The following LEPR variants were observed in gnomAD, a reference collection of about 807,000 sequenced individuals.
LEPR encodes leptin receptor, also known as OB receptor.
A neutral mutation model predicts 114.7 loss-of-function variants in LEPR; 56 were observed. That is an observed-to-expected ratio of 0.49 (90% CI 0.39 to 0.61). The LOEUF is 0.61. Among genes scored for constraint, LEPR ranks in the 20% least tolerant of loss-of-function variants. The pLI is 0.00. For missense variants in LEPR, 1,202 were observed against 1,352.9 expected, an observed-to-expected ratio of 0.89 and a Z score of 1.75; for synonymous variants, 443 against 461.4, an observed-to-expected ratio of 0.96 and a Z score of 0.51.
At position 65,565,464 on chromosome 1, in the gene LEPR, C is replaced by G. The variant is rs952836849; in HGVS notation, c.-20-82C>G. On this transcript the variant is annotated intron_variant, in intron 2 of 19. Coordinates refer to ENST00000349533, the MANE Select transcript of LEPR (RefSeq NM_002303.6). The stretch of plus-strand genomic sequence containing the variant: ...TTAGAGACTTATCTATAATCCCTTT[C>G]CTTTTATGTTTTCCACAGACAACTT... 6.7e-6 allele frequency: 9 copies of G among 1,348,660 alleles called. No homozygotes were observed. In the Admixed American group the frequency reaches 1.7e-4, roughly 25 times the overall value. The allele number at this position is 1,348,660 out of a possible 1,614,324, so 83.5% of individuals were successfully genotyped here.
At chr1:65,456,661 T>A (rs541027851) in intron 2 of LEPR, among the ~76,000 whole-genome samples, 1 of 152,318 alleles carries the variant, frequency 6.6e-6, no homozygotes, top group African/African-American at 2.4e-5. Context: ...GTTAGTATGG[T>A]ATATCTTTAT....
chr1:65,565,833 CCT>C (rs915322111), intron 3 of LEPR, among the ~76,000 whole-genome samples: 100 of 150,110 alleles, frequency 6.7e-4, no homozygotes, highest in Middle Eastern at 3.5e-3. Context: ...CTTCCAGAAT[CCT>C]CTCTCTCTCT....
rs1017296465 is a variant in LEPR at position 65,552,267 on chromosome 1, TTTTC to T, written c.-20-13272_-20-13269del. 7.2e-4 allele frequency among the ~76,000 whole-genome samples: 109 copies of T among 152,272 alleles called. 1 individual carries two copies. Among genetic ancestry groups the T allele is most frequent in the African/African-American group, 2.3e-3 (97 of 41,538 alleles). On this transcript the variant is annotated intron_variant, in intron 2 of 19. Coordinates refer to ENST00000349533, the MANE Select transcript of LEPR (RefSeq NM_002303.6). The stretch of plus-strand genomic sequence containing the variant: ...TTCAAGTCCTGAATATGCTTGTTAA[TTTTC>T]TTTCTTGTTGATCTGTCTAACATTG...
chr1:65,599,301 A>G (rs934684873), intron 8 of LEPR, among the ~76,000 whole-genome samples: 19 of 152,154 alleles, frequency 1.2e-4, no homozygotes, highest in African/African-American at 4.6e-4. Context: ...CATGCAGCTG[A>G]TGCGCAAAGT....
At position 65,577,863 on chromosome 1, in the gene LEPR, G is replaced by C. The variant is rs1171754540; in HGVS notation, c.494+5414G>C. 5.3e-5 allele frequency: 8 copies of C among 150,796 alleles called. No individual in the cohort carries two copies. In the East Asian group the frequency reaches 1.4e-3, roughly 25 times the overall value. The allele number at this position is 150,796 out of a possible 1,614,324, so 9.3% of individuals were successfully genotyped here. ...CTGGGATACACGTGCAGAAAGTGCA[G>C]GTTTGTTACATAGGTATGCGTGTGC... On this transcript the variant is annotated intron_variant, in intron 5 of 19. Transcript: ENST00000349533.
Position 65,472,382 on chromosome 1 carries a change from ATT to A in LEPR, c.-21+47005_-21+47006del, listed in dbSNP as rs1238444904. On this transcript the variant is annotated intron_variant, in intron 2 of 19. Coordinates refer to ENST00000349533, the MANE Select transcript of LEPR (RefSeq NM_002303.6). ...ATTTCTTCCCAATCCAACTAACCTTATTCCTCTGGGTCATTTAGCTGTGGCTA... is the reference window on the plus strand; with the variant it reads ...ATTTCTTCCCAATCCAACTAACCTTACCTCTGGGTCATTTAGCTGTGGCTA... 5.5e-5 allele frequency among the ~76,000 whole-genome samples: 8 copies of A among 145,118 alleles called. No individual in the cohort carries two copies. In the East Asian group the frequency reaches 1.6e-3, roughly 29 times the overall value.
intron 5 of LEPR, among the ~76,000 whole-genome samples, chr1:65,585,112 G>A (rs1253706520): frequency 6.6e-6 from 1 of 151,980 alleles, no homozygotes; most frequent in Non-Finnish European, 1.5e-5. Context: ...TTTTTATGAT[G>A]AGTCTAGTCT....
intron 1 of LEPR, among the ~76,000 whole-genome samples, chr1:65,423,353 A>T (rs573594521): frequency 3.9e-5 from 6 of 152,174 alleles, no homozygotes; most frequent in Non-Finnish European, 8.8e-5. Context: ...GATTCAGAGG[A>T]TGTGATTCCT....
At chr1:65,548,716 T>C (rs1338914015) in intron 2 of LEPR, among the ~76,000 whole-genome samples, 2 of 152,148 alleles carry the variant, frequency 1.3e-5, no homozygotes, top group African/African-American at 4.8e-5. Flanking sequence ...GCATGTGAGA[T>C]GGGTTTCCTG....
intron 2 of LEPR, chr1:65,526,077 G>T (rs773082290): frequency 4.1e-6 from 4 of 977,904 alleles, no homozygotes; most frequent in Non-Finnish European, 4.9e-6. Context: ...GACAGCAGCC[G>T]GCAGCGCCTG....
chr1:65,421,489 G>C (rs1194675755), intron 1 of LEPR: 13 of 1,535,760 alleles, frequency 8.5e-6, no homozygotes, highest in Non-Finnish European at 1.1e-5. Context: ...CTAATCTGTC[G>C]AATAGAGTAG....
chr1:65,622,433 T>G (rs1015959243), intron 18 of LEPR, among the ~76,000 whole-genome samples: 2 of 146,148 alleles, frequency 1.4e-5, no homozygotes, highest in East Asian at 3.9e-4. Context: ...ATGGGTGCCA[T>G]GATACTCTCT....
At chr1:65,453,436 G>C (rs370206707) in intron 2 of LEPR, among the ~76,000 whole-genome samples, 1 of 151,584 alleles carries the variant, frequency 6.6e-6, no homozygotes, top group Non-Finnish European at 1.5e-5. Context: ...CATTTCCCTC[G>C]ACGCACTGCT....
At chr1:65,615,346 T>C (rs571222648) in intron 14 of LEPR, among the ~76,000 whole-genome samples, 2 of 152,310 alleles carry the variant, frequency 1.3e-5, no homozygotes, top group South Asian at 4.1e-4. Flanking sequence ...AATATAAGAA[T>C]AGAATTGAAC....
intron 2 of LEPR, among the ~76,000 whole-genome samples, chr1:65,531,165 A>G (rs964039272): frequency 1.1e-4 from 16 of 151,900 alleles, no homozygotes; most frequent in Admixed American, 5.9e-4. Context: ...TCTTCCTTTC[A>G]CTTTACTCAG....
intron 2 of LEPR, among the ~76,000 whole-genome samples, chr1:65,540,995 C>G (rs1158877367): frequency 6.6e-6 from 1 of 152,032 alleles, no homozygotes; most frequent in African/African-American, 2.4e-5. Flanking sequence ...CCATGCATGG[C>G]TAATTTTTAT....
intron 2 of LEPR, among the ~76,000 whole-genome samples, chr1:65,491,413 A>C (rs10128072): frequency 0.19 from 29,348 of 152,042 alleles, 3,429 homozygotes; most frequent in African/African-American, 0.33. Flanking sequence ...AAATCTAACG[A>C]GCTTATGTTA....
At chr1:65,611,969 T>G (rs1413409233) in intron 14 of LEPR, among the ~76,000 whole-genome samples, 1 of 152,226 alleles carries the variant, frequency 6.6e-6, no homozygotes, top group Non-Finnish European at 1.5e-5. Flanking sequence ...ACAGGACCCT[T>G]GCTAATCTAC....
At chr1:65,450,180 T>C (rs546147842) in intron 2 of LEPR, among the ~76,000 whole-genome samples, 33 of 152,324 alleles carry the variant, frequency 2.2e-4, no homozygotes, top group Non-Finnish European at 4.0e-4. Flanking sequence ...TCTTGCTAAA[T>C]GTTCCATGTG....
Sources: gnomAD v4.1 joint callset for allele counts (sites outside exome capture counted in the v4.1 genomes callset) on GRCh38, gnomAD v4.1.1 for gene constraint, MANE v1.5 for transcripts, NCBI Gene and HGNC (gene_info 2026-07-23, HGNC 2026-07-21) for gene names.